The following ASXL2 variants were observed in gnomAD, a reference collection of about 807,000 sequenced individuals.
The protein encoded by ASXL2 is ASXL transcriptional regulator 2.
In ASXL2, 23 loss-of-function variants were observed where a neutral mutation model predicts 122.0. That is an observed-to-expected ratio of 0.19 (90% CI 0.14 to 0.27). The LOEUF is 0.27. ASXL2 is among the 10% of genes least tolerant of loss of function. The pLI, the probability that ASXL2 is intolerant of heterozygous loss-of-function variation, is 1.00. For synonymous variants in ASXL2, 650 were observed against 637.0 expected (o/e 1.02, Z -0.31); for missense variants, 1,518 against 1,713.8 (o/e 0.89, Z 2.02).
chr2:25,877,184 T>G (rs2149206300), intron 1 of ASXL2, among the ~76,000 whole-genome samples: 1 of 152,304 alleles, frequency 6.6e-6, no homozygotes, highest in Middle Eastern at 3.4e-3. Context: ...TTAATCACCA[T>G]TAAAGGGGTG....
At chr2:25,797,534 T>A (rs1344034401) in intron 5 of ASXL2, among the ~76,000 whole-genome samples, 2 of 152,024 alleles carry the variant, frequency 1.3e-5, no homozygotes. Context: ...CTCTTAAAGC[T>A]CAACAATAAG....
At chr2:25,852,664 C>T (rs908457354) in intron 1 of ASXL2, among the ~76,000 whole-genome samples, 4 of 152,080 alleles carry the variant, frequency 2.6e-5, no homozygotes, top group East Asian at 1.9e-4. Flanking sequence ...AATATATCAA[C>T]GTTTAAGAGC....
Position 25,734,958 on chromosome 2 carries a change from C to G in ASXL2, c.*7071G>C, listed in dbSNP as rs1322358778. 1 of 152,190 alleles carries G rather than the reference C, an allele frequency of 6.6e-6. No individual in the cohort carries two copies. Among genetic ancestry groups the G allele is most frequent in the African/African-American group, 2.4e-5 (1 of 41,450 alleles). 9.4% of individuals were successfully genotyped at this position (152,190 alleles called of 1,614,324 possible). Reference sequence around the variant, plus strand: ...CATTTAAAACCAAATTCCAGGTTATCTTTCTTCTCCCTAAGGCATCCTCTA... The same window carrying G: ...CATTTAAAACCAAATTCCAGGTTATGTTTCTTCTCCCTAAGGCATCCTCTA... On this transcript the variant is annotated 3_prime_UTR_variant, in exon 13 of 13. Coordinates refer to ENST00000435504, the MANE Select transcript of ASXL2 (RefSeq NM_018263.6).
intron 7 of ASXL2, 70 bp from the exon 8 acceptor site, chr2:25,767,796 T>G: frequency 6.5e-7 from 1 of 1,547,522 alleles, no homozygotes; most frequent in South Asian, 1.1e-5. Context: ...AATCAATCAT[T>G]CAACATTCAC....
rs2087760532 is a variant in ASXL2, at chr2:25,737,812, A to G, written c.*4217T>C. 1 of 152,214 alleles carries G rather than the reference A, an allele frequency of 6.6e-6. No individual in the cohort carries two copies. Among genetic ancestry groups the G allele is most frequent in the South Asian group, 2.1e-4 (1 of 4,836 alleles). The allele number at this position is 152,214 out of a possible 1,614,324, so 9.4% of individuals were successfully genotyped here. On this transcript the variant is annotated 3_prime_UTR_variant, in exon 13 of 13. Transcript: ENST00000435504. ...ATTCTTATGTAAAATGATTTTCTAT[A>G]TTTGTGAAAAAATATGACTTTTTAA... is the stretch of plus-strand genomic sequence containing the variant.
chr2:25,785,552 T>A (rs1472341033), intron 5 of ASXL2, among the ~76,000 whole-genome samples: 2 of 151,010 alleles, frequency 1.3e-5, no homozygotes, highest in Non-Finnish European at 2.9e-5. Flanking sequence ...AGAAAAACAA[T>A]CTTTATTTTT....
At chr2:25,859,370 C>T (rs2089819358) in intron 1 of ASXL2, among the ~76,000 whole-genome samples, 1 of 152,256 alleles carries the variant, frequency 6.6e-6, no homozygotes, top group South Asian at 2.1e-4. Context: ...TGTCTTATAA[C>T]TTTTAAGCAA....
In ASXL2 at chr2:25,832,296, G is replaced by A. The variant is rs559116519; in HGVS notation, c.143+3242C>T. The stretch of plus-strand genomic sequence containing the variant: ...TAGAGTGGTAAAATGATTATCAGCA[G>A]ACTGTGATAAATCACGTGTATATAT... On this transcript the variant is annotated intron_variant, in intron 3 of 12. Coordinates refer to ENST00000435504, the MANE Select transcript of ASXL2 (RefSeq NM_018263.6). Among the ~76,000 whole-genome samples the A allele has an allele frequency of 2.6e-4, 39 of 152,314 alleles. No individual in the cohort carries two copies. The South Asian group carries it at 4.6e-3, about 18-fold the overall frequency.
At chr2:25,859,622 C>T (rs1012862608) in intron 1 of ASXL2, among the ~76,000 whole-genome samples, 2 of 152,280 alleles carry the variant, frequency 1.3e-5, no homozygotes, top group African/African-American at 4.8e-5. Context: ...GCTATACAAC[C>T]TGGACAAAAC....
chr2:25,762,389 G>C (rs2088269464), intron 8 of ASXL2, among the ~76,000 whole-genome samples: 1 of 151,772 alleles, frequency 6.6e-6, no homozygotes, highest in Non-Finnish European at 1.5e-5. Context: ...AAAGAGGCTG[G>C]GAGTCGTGGC....
chr2:25,821,143 C>A (rs1280658042), intron 3 of ASXL2, among the ~76,000 whole-genome samples: 1 of 152,104 alleles, frequency 6.6e-6, no homozygotes, highest in African/African-American at 2.4e-5. Context: ...CGCGCCACTG[C>A]ACTCCAGTCT....
At chr2:25,861,299 T>C (rs1224190403) in intron 1 of ASXL2, among the ~76,000 whole-genome samples, 1 of 152,050 alleles carries the variant, frequency 6.6e-6, no homozygotes, top group African/African-American at 2.4e-5. Context: ...TCACTACAGT[T>C]CCCATGAACA....
intron 5 of ASXL2, among the ~76,000 whole-genome samples, chr2:25,797,933 T>A (rs975689553): frequency 2.0e-5 from 3 of 152,214 alleles, no homozygotes. Flanking sequence ...AATCTGCACA[T>A]AGATGTTTAA....
chr2:25,842,788 GTGTGTA>G (rs60558058), intron 2 of ASXL2, among the ~76,000 whole-genome samples: 6,774 of 131,494 alleles, frequency 0.052, 395 homozygotes, highest in African/African-American at 0.17. Flanking sequence ...GTGTGTGTGT[GTGTGTA>G]TATATATATA....
At chr2:25,798,033 C>A (rs190003179) in intron 5 of ASXL2, among the ~76,000 whole-genome samples, 1 of 152,280 alleles carries the variant, frequency 6.6e-6, no homozygotes, top group East Asian at 1.9e-4. Flanking sequence ...CACACCCAGA[C>A]AATGGAAAGA....
At chr2:25,828,660 C>A (rs1011414602) in intron 3 of ASXL2, among the ~76,000 whole-genome samples, 1 of 151,416 alleles carries the variant, frequency 6.6e-6, no homozygotes, top group Non-Finnish European at 1.5e-5. Context: ...CCCATCTCTA[C>A]TAAAAATACA....
intron 2 of ASXL2, among the ~76,000 whole-genome samples, chr2:25,836,887 CTAATT>C (rs1387804798): frequency 1.3e-5 from 2 of 152,068 alleles, no homozygotes; most frequent in South Asian, 2.1e-4. Flanking sequence ...AATAATCTTC[CTAATT>C]TATTTCCCCT....
chr2:25,809,256 G>T (rs1474113096), intron 3 of ASXL2, among the ~76,000 whole-genome samples: 1 of 149,984 alleles, frequency 6.7e-6, no homozygotes, highest in Non-Finnish European at 1.5e-5. Context: ...CAAAAATTTA[G>T]TTTCAGAGGT....
chr2:25,757,401 G>A (rs760348384), intron 9 of ASXL2, among the ~76,000 whole-genome samples: 5 of 151,162 alleles, frequency 3.3e-5, no homozygotes, highest in Non-Finnish European at 7.4e-5. Flanking sequence ...CACTTTGGGA[G>A]GCCGAGGCAG....
Sources: allele counts gnomAD v4.1 joint callset (sites outside exome capture counted in the v4.1 genomes callset), GRCh38; gene constraint gnomAD v4.1.1; transcripts MANE v1.5; gene names NCBI Gene and HGNC (gene_info 2026-07-23, HGNC 2026-07-21).